Variants in EGFLAM observed in about 807,000 individuals in gnomAD.
The protein encoded by EGFLAM is pikachurin.
A neutral mutation model predicts 113.1 loss-of-function variants in EGFLAM; 79 were observed. That is an observed-to-expected ratio of 0.70 (90% CI 0.58 to 0.84). The LOEUF (loss-of-function observed/expected upper bound fraction) is 0.84, where lower values mean the gene tolerates loss of function less well. Among genes scored for constraint, EGFLAM ranks in the 40% least tolerant of loss-of-function variants. The pLI, the probability that EGFLAM is intolerant of heterozygous loss-of-function variation, is 0.00. For missense variants in EGFLAM, 1,265 were observed against 1,291.6 expected, an observed-to-expected ratio of 0.98 and a Z score of 0.32; for synonymous variants, 504 against 487.6, an observed-to-expected ratio of 1.03 and a Z score of -0.44.
chr5:38,417,563 TCCCCTCCACCC>T (rs1385393820), intron 11 of EGFLAM, among the ~76,000 whole-genome samples: 2 of 151,894 alleles, frequency 1.3e-5, no homozygotes, highest in African/African-American at 4.8e-5. Context: ...GTTTGGTAAT[TCCCCTCCACCC>T]CCCGTCCACC....
intron 6 of EGFLAM, among the ~76,000 whole-genome samples, chr5:38,374,039 T>A (rs1434113303): frequency 2.6e-5 from 4 of 152,190 alleles, no homozygotes; most frequent in Non-Finnish European, 1.5e-5. Context: ...ACAAATTTAT[T>A]CAGAGTAGGG....
chr5:38,258,740 G>A lies in EGFLAM; in HGVS notation c.-15G>A. The A allele has an allele frequency of 6.2e-7, 1 of 1,601,936 alleles. No homozygotes were observed. Among genetic ancestry groups the A allele is most frequent in the Non-Finnish European group, 8.5e-7 (1 of 1,174,130 alleles). On this transcript the variant is annotated 5_prime_UTR_variant, in exon 1 of 22. Coordinates refer to ENST00000322350, the MANE Select transcript of EGFLAM (RefSeq NM_152403.4). ...GCCCGGGACTTGGTGAAACTTTGCA[G>A]GCGCCGGCTGCGAAATGGATTTAAT... is the stretch of plus-strand genomic sequence containing the variant.
intron 9 of EGFLAM, 28 bp from the exon 10 acceptor site, chr5:38,408,976 C>T: frequency 6.4e-7 from 1 of 1,550,808 alleles, no homozygotes; most frequent in Non-Finnish European, 8.8e-7. Context: ...GCTTACTGTT[C>T]ATGTGGCTTT....
chr5:38,340,017 C>G (rs1739296054), intron 3 of EGFLAM, among the ~76,000 whole-genome samples: 1 of 152,182 alleles, frequency 6.6e-6, no homozygotes, highest in Non-Finnish European at 1.5e-5. Context: ...GCCACCCCAG[C>G]CTGGTGTCCT....
At chr5:38,408,887 G>C in intron 9 of EGFLAM, 117 bp from the exon 10 acceptor site, 1 of 857,094 alleles carries the variant, frequency 1.2e-6, no homozygotes. Context: ...TTGACCCTTT[G>C]TAGATAGGAT....
At chr5:38,293,051 A>G (rs1222295215) in intron 1 of EGFLAM, among the ~76,000 whole-genome samples, 1 of 152,184 alleles carries the variant, frequency 6.6e-6, no homozygotes, top group South Asian at 2.1e-4. Flanking sequence ...CTCTGACTCC[A>G]TATGTTTTTC....
At chr5:38,403,964 G>T in intron 6 of EGFLAM, 2 of 1,611,404 alleles carry the variant, frequency 1.2e-6, no homozygotes, top group South Asian at 2.2e-5. Context: ...TGGGGAATTG[G>T]TGTGGAAGGG....
intron 19 of EGFLAM, among the ~76,000 whole-genome samples, chr5:38,456,283 G>A (rs988180279): frequency 2.6e-5 from 4 of 152,160 alleles, no homozygotes; most frequent in Admixed American, 2.6e-4. Flanking sequence ...CAAGGTCACA[G>A]AGCTGTTAAC....
chr5:38,266,455 G>A (rs956861037), intron 1 of EGFLAM, among the ~76,000 whole-genome samples: 2 of 152,128 alleles, frequency 1.3e-5, no homozygotes, highest in Non-Finnish European at 2.9e-5. Context: ...ACATGTGAAG[G>A]CAATATTTAA....
intron 1 of EGFLAM, among the ~76,000 whole-genome samples, chr5:38,303,774 G>T (rs910006827): frequency 1.3e-5 from 2 of 152,058 alleles, no homozygotes; most frequent in African/African-American, 4.8e-5. Flanking sequence ...CAAAAAAATG[G>T]TAACAGTCAC....
In EGFLAM at chr5:38,414,820, C is replaced by G. The variant is rs535625520; in HGVS notation, c.1494+2172C>G. On this transcript the variant is annotated intron_variant, in intron 11 of 21. Transcript: ENST00000322350. ...AGAAAGATTTACTCCATGGACCCCC[C>G]CTCAAGGCCAGAGCTGAATGGAGTG... is the stretch of plus-strand genomic sequence containing the variant. Among the ~76,000 whole-genome samples, 92 of 152,188 alleles carry G rather than the reference C, an allele frequency of 6.0e-4. 1 individual carries two copies. The highest frequency in any genetic ancestry group is 2.2e-3 in the African/African-American group (90 of 41,514).
At chr5:38,280,583 A>G (rs1414077767) in intron 1 of EGFLAM, among the ~76,000 whole-genome samples, 2 of 152,016 alleles carry the variant, frequency 1.3e-5, no homozygotes, top group Admixed American at 6.6e-5. Flanking sequence ...CTGGCCCACC[A>G]TGGCTTCCAA....
At chr5:38,446,304 C>T (rs1742709730) in intron 17 of EGFLAM, among the ~76,000 whole-genome samples, 1 of 152,062 alleles carries the variant, frequency 6.6e-6, no homozygotes, top group Non-Finnish European at 1.5e-5. Context: ...CCTCCTTTTC[C>T]GGCGCCGCCT....
chr5:38,320,718 C>T (rs1205373668), intron 1 of EGFLAM, among the ~76,000 whole-genome samples: 2 of 152,022 alleles, frequency 1.3e-5, no homozygotes, highest in Non-Finnish European at 2.9e-5. Context: ...ACAGCGGTCC[C>T]CAACCTGGGA....
At chr5:38,451,531 T>C in intron 19 of EGFLAM, 73 bp downstream of exon 19, 2 of 1,549,550 alleles carry the variant, frequency 1.3e-6, no homozygotes, top group Non-Finnish European at 1.7e-6. Flanking sequence ...GCCAGAGTGA[T>C]TCAGAAGGGA....
chr5:38,373,365 G>A (rs1308338753), intron 6 of EGFLAM, among the ~76,000 whole-genome samples: 1 of 152,154 alleles, frequency 6.6e-6, no homozygotes, highest in African/African-American at 2.4e-5. Flanking sequence ...CCCAAATAGT[G>A]ACCATTGTAC....
At chr5:38,312,055 A>G (rs771843460) in intron 1 of EGFLAM, among the ~76,000 whole-genome samples, 2 of 152,122 alleles carry the variant, frequency 1.3e-5, no homozygotes, top group Non-Finnish European at 2.9e-5. Flanking sequence ...TTTCTCATTT[A>G]TAATGCGGTA....
At chr5:38,376,691 G>C (rs7734100) in intron 6 of EGFLAM, among the ~76,000 whole-genome samples, 18,303 of 152,104 alleles carry the variant, frequency 0.12, 1,152 homozygotes, top group Admixed American at 0.16. Context: ...TCTCAGATAG[G>C]CTTCTGGTTT....
intron 1 of EGFLAM, chr5:38,290,481 A>T (rs1163188651): frequency 6.6e-6 from 1 of 152,222 alleles, no homozygotes; most frequent in African/African-American, 2.4e-5. Context: ...CAGTGCAGTG[A>T]GCAAGATTTA....
Sources: allele counts gnomAD v4.1 joint callset (sites outside exome capture counted in the v4.1 genomes callset), GRCh38; gene constraint gnomAD v4.1.1; transcripts MANE v1.5; gene names NCBI Gene and HGNC (gene_info 2026-07-23, HGNC 2026-07-21).